Variants in SLC39A7 observed in about 807,000 individuals in gnomAD.
SLC39A7 encodes solute carrier family 39 member 7.
In SLC39A7, 25 loss-of-function variants were observed where a neutral mutation model predicts 39.7. That is an observed-to-expected ratio of 0.63 (90% CI 0.46 to 0.88). The LOEUF is 0.88. SLC39A7 is among the 40% of genes least tolerant of loss of function. SLC39A7 has a pLI of 0.00. For synonymous variants in SLC39A7, 181 were observed against 234.1 expected (o/e 0.77, Z 2.07); for missense variants, 501 against 592.1 (o/e 0.85, Z 1.60).
chr6:33,202,826 G>A (rs1562433716), intron 5 of SLC39A7, 84 bp from the exon 6 acceptor site: 1 of 1,562,336 alleles, frequency 6.4e-7, no homozygotes. Flanking sequence ...TGGTCTCTGA[G>A]GGGAGGTGTG....
chr6:33,202,217 T>G (rs759786405), intron 3 of SLC39A7, 46 bp from the exon 4 acceptor site: 8 of 1,597,632 alleles, frequency 5.0e-6, no homozygotes, highest in Non-Finnish European at 6.9e-6. Flanking sequence ...GGAGGAGGAG[T>G]CTGGAATGCA....
In SLC39A7 at chr6:33,203,783, C is replaced by CA; in HGVS notation, c.1381dup (p.Met461AsnfsTer9). 1 of 1,614,150 alleles carries CA rather than the reference C, an allele frequency of 6.2e-7. No homozygotes were observed. The highest frequency in any genetic ancestry group is 8.5e-7 in the Non-Finnish European group (1 of 1,180,028). On this transcript the variant is annotated frameshift_variant, in exon 7 of 7. Transcript: ENST00000374677. LOFTEE classifies it high-confidence loss of function. ...TGCTGGGGCTGCTGGGGGGAGTTAT[C>CA]ATGATGGTGCTGATTGCCCACCTTG...
intron 2 of SLC39A7, 61 bp from the exon 3 acceptor site, chr6:33,202,011 C>T: frequency 6.3e-7 from 1 of 1,598,902 alleles, no homozygotes; most frequent in Non-Finnish European, 8.6e-7. Flanking sequence ...TTCGATATTC[C>T]CCCAAATACA....
rs781384988 is a variant in SLC39A7, at chr6:33,202,711, G to A, written c.940+11G>A. On this transcript the variant is annotated intron_variant, in intron 5 of 6. Coordinates refer to ENST00000374677, the MANE Select transcript of SLC39A7 (RefSeq NM_006979.3). ...AAAAAAGAGGCTTAGGTAAGGGCCA[G>A]AGTTGGTGATAAATTTGGGCAAGGG... 6.3e-7 allele frequency: 1 copy of A among 1,581,392 alleles called. No individual in the cohort carries two copies. The highest frequency in any genetic ancestry group is 1.2e-5 in the South Asian group (1 of 85,818).
chr6:33,201,269 C>T lies in SLC39A7; in HGVS notation c.24C>T (p.Pro8=), dbSNP rs1423045910. 6.2e-7 allele frequency: 1 copy of T among 1,613,342 alleles called. No individual in the cohort carries two copies. Among genetic ancestry groups the T allele is most frequent in the Admixed American group, 1.7e-5 (1 of 59,948 alleles). The stretch of plus-strand genomic sequence containing the variant: ...TGATGGCCAGAGGCCTGGGGGCCCC[C>T]CACTGGGTGGCCGTGGGACTGCTGA... MARGLGA[P]HWVAVGLLTW... Residue 8 remains proline (P), a synonymous_variant, in exon 1 of 7, where the codon CCC becomes CCT. Coordinates refer to ENST00000374677, the MANE Select transcript of SLC39A7 (RefSeq NM_006979.3). The surrounding 1 kb of genome is among the most constrained non-coding windows in gnomAD (Gnocchi z 5.9).
In SLC39A7 at chr6:33,202,392, G is replaced by T. The variant is rs772091710; in HGVS notation, c.764G>T (p.Ser255Ile). The T allele has an allele frequency of 3.1e-6, 5 of 1,612,774 alleles. No homozygotes were observed. Among genetic ancestry groups the T allele is most frequent in the Middle Eastern group, 1.6e-4 (1 of 6,084 alleles). ...AGTCATGGACATGGACACGCTCACA[G>T]TCATACACGTGGAAGTCATGGACAT... ...GHSHGHGHAH[S>I]HTRGSHGHGR... The change falls in exon 4 of 7, where the codon AGT (serine) becomes ATT (isoleucine). Residue 255 changes from serine (S) to isoleucine (I), a missense_variant. Coordinates refer to ENST00000374677, the MANE Select transcript of SLC39A7 (RefSeq NM_006979.3).
At chr6:33,203,129 A>G in intron 6 of SLC39A7, 23 bp downstream of exon 6, 1 of 1,557,042 alleles carries the variant, frequency 6.4e-7, no homozygotes, top group Non-Finnish European at 8.7e-7. Context: ...TGCCAAACAC[A>G]GCTGCCTCAA....
chr6:33,201,570 G>A lies in SLC39A7; in HGVS notation c.325G>A (p.Asp109Asn). 1 of 1,614,082 alleles carries A rather than the reference G, an allele frequency of 6.2e-7. No homozygotes were observed. The highest frequency in any genetic ancestry group is 1.3e-5 in the African/African-American group (1 of 75,030). Reference protein sequence around the residue: ...ESLYHRGHGHDHEHSHGGYGE... With the variant: ...ESLYHRGHGHNHEHSHGGYGE... Reference sequence around the variant, plus strand: ...CCTCTACCACAGAGGACATGGACATGACCATGAGCATAGCCATGGAGGCTA... The same window carrying A: ...CCTCTACCACAGAGGACATGGACATAACCATGAGCATAGCCATGGAGGCTA... The change falls in exon 1 of 7, where the codon GAC becomes AAC. Residue 109 changes from aspartate (D) to asparagine (N), a missense_variant. Physicochemically the swap from Asp to Asn is conservative, Grantham distance 23 (BLOSUM62 1). Coordinates refer to ENST00000374677, the MANE Select transcript of SLC39A7 (RefSeq NM_006979.3). The surrounding 1 kb of genome is among the most constrained non-coding windows in gnomAD (Gnocchi z 5.9).
Position 33,203,764 on chromosome 6 carries a change from G to A in SLC39A7, c.1361G>A (p.Gly454Glu), listed in dbSNP as rs771668497. 1.2e-6 allele frequency: 2 copies of A among 1,614,198 alleles called. No individual in the cohort carries two copies. Among genetic ancestry groups the A allele is most frequent in the Admixed American group, 1.7e-5 (1 of 60,034 alleles). The stretch of plus-strand genomic sequence containing the variant: ...TTGCAATCACTTCTGGAGGTGCTGG[G>A]GCTGCTGGGGGGAGTTATCATGATG... Reference protein sequence around the residue: ...SPLQSLLEVLGLLGGVIMMVL... With the variant: ...SPLQSLLEVLELLGGVIMMVL... Residue 454 changes from glycine to glutamate, a missense_variant, in exon 7 of 7, where the codon GGG becomes GAG. Transcript: ENST00000374677.
At position 33,201,311 on chromosome 6, in the gene SLC39A7, G is replaced by A; in HGVS notation, c.66G>A (p.Gly22=). Reference sequence around the variant, plus strand: ...GACTGCTGACCTGGGCGACCTTGGGGCTTCTGGTGGCTGGACTCGGGGGTC... The same window carrying A: ...GACTGCTGACCTGGGCGACCTTGGGACTTCTGGTGGCTGGACTCGGGGGTC... The part of the protein sequence containing the change: ...AVGLLTWATL[G]LLVAGLGGHD... Residue 22 remains glycine (G), a synonymous_variant, in exon 1 of 7, where the codon GGG becomes GGA. Transcript: ENST00000374677. The surrounding 1 kb of genome is among the most constrained non-coding windows in gnomAD (Gnocchi z 5.9). 1 of 1,614,064 alleles carries A rather than the reference G, an allele frequency of 6.2e-7. No individual in the cohort carries two copies. Among genetic ancestry groups the A allele is most frequent in the Non-Finnish European group, 8.5e-7 (1 of 1,179,996 alleles).
rs1774794598 is a variant in SLC39A7, at chr6:33,203,671, C to T, written c.1268C>T (p.Thr423Ile). The change falls in exon 7 of 7, where the codon ACT becomes ATT. Residue 423 changes from threonine (T) to isoleucine (I), a missense_variant. Thr to Ile is a moderately conservative substitution (Grantham distance 89). Transcript: ENST00000374677. ...GAGPGWVLPF[T>I]AGGFIYVATV... ...GGTCCTGGCTGGGTCCTGCCATTTA[C>T]TGCAGGTGGCTTTATCTACGTAGCA... is the stretch of plus-strand genomic sequence containing the variant. 1.2e-6 allele frequency: 2 copies of T among 1,614,126 alleles called. No homozygotes were observed. Among genetic ancestry groups the T allele is most frequent in the Non-Finnish European group, 1.7e-6 (2 of 1,180,056 alleles).
At position 33,201,760 on chromosome 6, in the gene SLC39A7, G is replaced by A; in HGVS notation, c.427G>A (p.Val143Met). 6.2e-7 allele frequency: 1 copy of A among 1,614,120 alleles called. No homozygotes were observed. The highest frequency in any genetic ancestry group is 8.5e-7 in the Non-Finnish European group (1 of 1,180,030). ...CCCTCACCAGGCACTGGGGGCCACA[G>A]TGCTGATCTCAGCAGCTCCATTTTT... Reference protein sequence around the residue: ...TLWAYALGATVLISAAPFFVL... With the variant: ...TLWAYALGATMLISAAPFFVL... Residue 143 changes from valine to methionine, a missense_variant, in exon 2 of 7, where the codon GTG becomes ATG. Coordinates refer to ENST00000374677, the MANE Select transcript of SLC39A7 (RefSeq NM_006979.3). The surrounding 1 kb of genome is among the most constrained non-coding windows in gnomAD (Gnocchi z 5.9).
Position 33,204,196 on chromosome 6 carries a change from G to A in SLC39A7, c.*383G>A. On this transcript the variant is annotated 3_prime_UTR_variant, in exon 7 of 7. Transcript: ENST00000374677. ...TCCAGTTTCCTTTCTCCCACCAGTT[G>A]GTGGAGGCTTCAGGGAAGACCAGAG... is the stretch of plus-strand genomic sequence containing the variant. 2.2e-6 allele frequency: 1 copy of A among 458,568 alleles called. No homozygotes were observed. The highest frequency in any genetic ancestry group is 4.0e-6 in the Non-Finnish European group (1 of 252,078). 28.4% of individuals were successfully genotyped at this position (458,568 alleles called of 1,614,324 possible). A position where few individuals can be genotyped will look rare whatever the true frequency, so the allele number is the denominator to read the frequency against.
Position 33,201,931 on chromosome 6 carries a change from T to C in SLC39A7, c.580+18T>C. On this transcript the variant is annotated intron_variant, in intron 2 of 6. Coordinates refer to ENST00000374677, the MANE Select transcript of SLC39A7 (RefSeq NM_006979.3). The surrounding 1 kb of genome is among the most constrained non-coding windows in gnomAD (Gnocchi z 5.9). ...TGCTCTTGGTAAGTAACCTCTGACT[T>C]CTACCTCAAATCTAACCTATTTCGT... 1 of 1,612,078 alleles carries C rather than the reference T, an allele frequency of 6.2e-7. No individual in the cohort carries two copies. Among genetic ancestry groups the C allele is most frequent in the Non-Finnish European group, 8.5e-7 (1 of 1,179,296 alleles).
rs773582807 is a variant in SLC39A7, at chr6:33,200,914, G to T, written c.-332G>T. 3.4e-6 allele frequency: 4 copies of T among 1,179,068 alleles called. No individual in the cohort carries two copies. Among genetic ancestry groups the T allele is most frequent in the African/African-American group, 1.5e-5 (1 of 66,024 alleles). 73.0% of individuals were successfully genotyped at this position (1,179,068 alleles called of 1,614,324 possible). On this transcript the variant is annotated 5_prime_UTR_variant, in exon 1 of 7. Coordinates refer to ENST00000374677, the MANE Select transcript of SLC39A7 (RefSeq NM_006979.3). This position sits in a 1 kb window ranked among gnomAD's most constrained non-coding sequence, Gnocchi z 6.3. The stretch of plus-strand genomic sequence containing the variant: ...CGGGACTGCCACGTCCAAGCAAACC[G>T]GGAAAGGAGAGGATCCCGGAGCCGG...
Position 33,201,612 on chromosome 6 carries a change from C to A in SLC39A7, c.367C>A (p.Pro123Thr). The change falls in exon 1 of 7, where the codon CCA becomes ACA. Residue 123 changes from proline to threonine, a missense_variant. By Grantham distance (38) the Pro-to-Thr change is conservative. Transcript: ENST00000374677. The surrounding 1 kb of genome is among the most constrained non-coding windows in gnomAD (Gnocchi z 5.9). Reference protein sequence around the residue: ...SHGGYGESGAPGIKQDLDAVT... With the variant: ...SHGGYGESGATGIKQDLDAVT... The stretch of plus-strand genomic sequence containing the variant: ...TGGAGGCTATGGGGAGTCTGGGGCT[C>A]CAGGCATCAAGCAGGACCTGGATGC... 1 of 1,612,434 alleles carries A rather than the reference C, an allele frequency of 6.2e-7. No individual in the cohort carries two copies. The highest frequency in any genetic ancestry group is 1.1e-5 in the South Asian group (1 of 91,064).
Position 33,203,804 on chromosome 6 carries a change from C to T in SLC39A7, c.1401C>T (p.His467=). ...GGVIMMVLIA[H]LE ...TTATCATGATGGTGCTGATTGCCCA[C>T]CTTGAGTGAGGGGTGGATAAACTAC... Residue 467 remains histidine, a synonymous_variant, in exon 7 of 7, where the codon CAC becomes CAT. Coordinates refer to ENST00000374677, the MANE Select transcript of SLC39A7 (RefSeq NM_006979.3). The T allele has an allele frequency of 6.2e-7, 1 of 1,614,026 alleles. No individual in the cohort carries two copies. The highest frequency in any genetic ancestry group is 1.3e-5 in the African/African-American group (1 of 75,032).
chr6:33,203,839 A>C lies in SLC39A7; in HGVS notation c.*26A>C, dbSNP rs1659065448. 1.2e-6 allele frequency: 2 copies of C among 1,611,610 alleles called. No homozygotes were observed. Among genetic ancestry groups the C allele is most frequent in the African/African-American group, 2.7e-5 (2 of 74,842 alleles). ...GGGGTGGATAAACTACCCCTGCCCC[A>C]AACCTCTACCCCTAACTCCAGGTCA... is the stretch of plus-strand genomic sequence containing the variant. On this transcript the variant is annotated 3_prime_UTR_variant, in exon 7 of 7. Coordinates refer to ENST00000374677, the MANE Select transcript of SLC39A7 (RefSeq NM_006979.3).
Position 33,201,262 on chromosome 6 carries a change from G to A in SLC39A7, c.17G>A (p.Gly6Glu). The stretch of plus-strand genomic sequence containing the variant: ...GTCAGCGTGATGGCCAGAGGCCTGG[G>A]GGCCCCCCACTGGGTGGCCGTGGGA... The part of the protein sequence containing the change: MARGL[G>E]APHWVAVGLL... The change falls in exon 1 of 7, where the codon GGG (glycine) becomes GAG (glutamate). Residue 6 changes from glycine (G) to glutamate (E), a missense_variant. Transcript: ENST00000374677. The surrounding 1 kb of genome is among the most constrained non-coding windows in gnomAD (Gnocchi z 5.9). The A allele has an allele frequency of 6.2e-7, 1 of 1,612,798 alleles. No homozygotes were observed. Among genetic ancestry groups the A allele is most frequent in the Non-Finnish European group, 8.5e-7 (1 of 1,179,458 alleles).
Sources: gnomAD v4.1 joint callset for allele counts on GRCh38, gnomAD v4.1.1 for gene constraint, Gnocchi (gnomAD v3.1) non-coding constraint, MANE v1.5 for transcripts, NCBI Gene and HGNC (gene_info 2026-07-23, HGNC 2026-07-21) for gene names.